The following NDUFAF2 variants were observed in gnomAD, a reference collection of about 807,000 sequenced individuals.
NDUFAF2 encodes NADH dehydrogenase [ubiquinone] 1 alpha subcomplex assembly factor 2.
Under a neutral mutation model 22.8 loss-of-function variants are expected in NDUFAF2, and 13 were observed. That is an observed-to-expected ratio of 0.57 (90% CI 0.37 to 0.91). The LOEUF (loss-of-function observed/expected upper bound fraction) is 0.91, where lower values mean the gene tolerates loss of function less well. NDUFAF2 is among the 40% of genes least tolerant of loss of function. The pLI is 0.01. For synonymous variants in NDUFAF2, 53 were observed against 64.2 expected (o/e 0.83, Z 0.84); for missense variants, 162 against 195.2 (o/e 0.83, Z 1.01).
chr5:60,949,170 C>T (rs1750507444), intron 1 of NDUFAF2, among the ~76,000 whole-genome samples: 1 of 152,146 alleles, frequency 6.6e-6, no homozygotes, highest in African/African-American at 2.4e-5. Flanking sequence ...AGTTCCGTCA[C>T]CCTGAATAAC....
intron 1 of NDUFAF2, among the ~76,000 whole-genome samples, chr5:61,069,351 C>G (rs1752267823): frequency 6.6e-6 from 1 of 152,142 alleles, no homozygotes; most frequent in South Asian, 2.1e-4. Flanking sequence ...GGGCCTGTCT[C>G]TACAACCCAG....
intron 1 of NDUFAF2, among the ~76,000 whole-genome samples, chr5:61,036,127 G>T (rs1580106105): frequency 6.6e-6 from 1 of 152,302 alleles, no homozygotes; most frequent in Non-Finnish European, 1.5e-5. Context: ...TTAAGGGCAG[G>T]CCTGGAAGAA....
intron 1 of NDUFAF2, among the ~76,000 whole-genome samples, chr5:60,946,573 G>A (rs1750459792): frequency 6.6e-6 from 1 of 152,200 alleles, no homozygotes; most frequent in African/African-American, 2.4e-5. Context: ...TTCTTGACAG[G>A]TTGCAAGCAG....
Position 60,952,270 on chromosome 5 carries a change from C to G in NDUFAF2, c.127+6888C>G, listed in dbSNP as rs571883122. The stretch of plus-strand genomic sequence containing the variant: ...CTGCTTTCAATTGGTTTTATATGTT[C>G]TTCTAGTTTCTTAAGGTGGCCACTG... On this transcript the variant is annotated intron_variant, in intron 1 of 3. Coordinates refer to ENST00000296597, the MANE Select transcript of NDUFAF2 (RefSeq NM_174889.5). 3.1e-4 allele frequency among the ~76,000 whole-genome samples: 47 copies of G among 151,342 alleles called. 1 individual carries two copies. Among genetic ancestry groups the G allele is most frequent in the African/African-American group, 1.1e-3 (47 of 41,266 alleles).
intron 1 of NDUFAF2, among the ~76,000 whole-genome samples, chr5:61,002,359 T>G (rs760004083): frequency 3.9e-5 from 6 of 152,184 alleles, no homozygotes; most frequent in Non-Finnish European, 8.8e-5. Flanking sequence ...TAAGTAGTCA[T>G]ATTTTTTCTT....
chr5:60,957,206 A>C (rs946790208), intron 1 of NDUFAF2, among the ~76,000 whole-genome samples: 5 of 152,114 alleles, frequency 3.3e-5, no homozygotes, highest in African/African-American at 1.2e-4. Context: ...ACCTCCACAT[A>C]CCTGAAGCTT....
At chr5:61,149,825 G>C (rs533222537) in intron 3 of NDUFAF2, among the ~76,000 whole-genome samples, 1 of 152,290 alleles carries the variant, frequency 6.6e-6, no homozygotes, top group South Asian at 2.1e-4. Flanking sequence ...TTTGCAAATA[G>C]ACTTTCTTAA....
intron 1 of NDUFAF2, among the ~76,000 whole-genome samples, chr5:60,996,453 T>C (rs1751229984): frequency 6.6e-6 from 1 of 151,914 alleles, no homozygotes; most frequent in Non-Finnish European, 1.5e-5. Flanking sequence ...CCCTCTCCTC[T>C]CCTTAAACAG....
chr5:61,020,773 C>T (rs1436039789), intron 1 of NDUFAF2, among the ~76,000 whole-genome samples: 2 of 152,106 alleles, frequency 1.3e-5, no homozygotes, highest in African/African-American at 4.8e-5. Context: ...TCACTGCTCA[C>T]TGCAACCTCT....
intron 3 of NDUFAF2, among the ~76,000 whole-genome samples, chr5:61,148,831 C>T (rs901234660): frequency 2.6e-5 from 4 of 152,108 alleles, no homozygotes; most frequent in Admixed American, 6.5e-5. Flanking sequence ...AAACAAGATT[C>T]AATTTTTAAA....
chr5:61,083,823 T>C (rs1752474323), intron 2 of NDUFAF2, among the ~76,000 whole-genome samples: 2 of 151,842 alleles, frequency 1.3e-5, no homozygotes, highest in South Asian at 4.2e-4. Context: ...TGATTTTGTA[T>C]ATCAACTGTG....
intron 1 of NDUFAF2, among the ~76,000 whole-genome samples, chr5:60,967,112 A>T (rs775928611): frequency 2.0e-5 from 3 of 152,000 alleles, no homozygotes; most frequent in Non-Finnish European, 4.4e-5. Context: ...TTGTAGCTAT[A>T]GTAAATGGAA....
rs183165165 is a variant in NDUFAF2, at chr5:61,127,622, T to G, written c.259-25082T>G. Among the ~76,000 whole-genome samples the G allele has an allele frequency of 2.0e-3, 311 of 152,212 alleles. 2 individuals are homozygous for G. Among genetic ancestry groups the G allele is most frequent in the African/African-American group, 7.2e-3 (300 of 41,534 alleles). On this transcript the variant is annotated intron_variant, in intron 3 of 3. Transcript: ENST00000296597. ...ATTCAATAAATACCTCTCAATACATTAGGTATTGATGGGACGTATCTCAAA... is the reference window on the plus strand; with the variant it reads ...ATTCAATAAATACCTCTCAATACATGAGGTATTGATGGGACGTATCTCAAA...
intron 1 of NDUFAF2, among the ~76,000 whole-genome samples, chr5:60,961,511 C>T (rs1210634687): frequency 1.3e-5 from 2 of 149,256 alleles, no homozygotes; most frequent in African/African-American, 5.0e-5. Context: ...AGGAGAATGG[C>T]GTGAACACGG....
chr5:61,053,839 TA>T (rs1752054666), intron 1 of NDUFAF2, among the ~76,000 whole-genome samples: 1 of 152,062 alleles, frequency 6.6e-6, no homozygotes, highest in Non-Finnish European at 1.5e-5. Context: ...GGTGTGGATA[TA>T]AAGGGAAATA....
chr5:60,983,827 G>A (rs1335302294), intron 1 of NDUFAF2, among the ~76,000 whole-genome samples: 1 of 152,084 alleles, frequency 6.6e-6, no homozygotes, highest in African/African-American at 2.4e-5. Flanking sequence ...TTTGAAGTCA[G>A]GTAGCATGAT....
At chr5:60,945,421 A>G in intron 1 of NDUFAF2, 39 bp downstream of exon 1, 1 of 1,614,090 alleles carries the variant, frequency 6.2e-7, no homozygotes, top group Non-Finnish European at 8.5e-7. Context: ...GTGGTCAGTG[A>G]TTGCGAGGTC....
chr5:61,134,143 T>C (rs572679079), intron 3 of NDUFAF2, among the ~76,000 whole-genome samples: 2 of 152,256 alleles, frequency 1.3e-5, no homozygotes, highest in East Asian at 1.9e-4. Flanking sequence ...GTTCGTGATA[T>C]ATTGTCAAGT....
chr5:61,147,437 C>CTTTTTTTT lies in NDUFAF2; in HGVS notation c.259-5257_259-5250dup, dbSNP rs1240336890. On this transcript the variant is annotated intron_variant, in intron 3 of 3. Transcript: ENST00000296597. Reference sequence around the variant, plus strand: ...CTAATTTTTGTATTTTTTTTTCTTTCTTTTTTTTTTTTTTTTTGTAGCAAC... The same window carrying CTTTTTTTT: ...CTAATTTTTGTATTTTTTTTTCTTTCTTTTTTTTTTTTTTTTTTTTTTTTTGTAGCAAC... Among the ~76,000 whole-genome samples, 41 of 84,736 alleles carry CTTTTTTTT rather than the reference C, an allele frequency of 4.8e-4. 1 individual carries two copies. Among genetic ancestry groups the CTTTTTTTT allele is most frequent in the African/African-American group, 1.4e-3 (35 of 24,282 alleles). 55.6% of individuals were successfully genotyped at this position (84,736 alleles called of 152,430 possible).
Sources: allele counts gnomAD v4.1 joint callset (sites outside exome capture counted in the v4.1 genomes callset), GRCh38; gene constraint gnomAD v4.1.1; transcripts MANE v1.5; gene names NCBI Gene and HGNC (gene_info 2026-07-23, HGNC 2026-07-21).